Variants in AFG2A observed in about 807,000 individuals in gnomAD.
AFG2A encodes ATPase family gene 2 protein homolog A.
At chr4:122,946,061 G>T in the AFG2A span, among the ~76,000 whole-genome samples, 1 of 152,186 alleles carries the variant, frequency 6.6e-6, no homozygotes, top group African/African-American at 2.4e-5. Context: ...TGATAGAGTT[G>T]TGAGGACAGA....
At chr4:122,995,825 A>C in the AFG2A span, among the ~76,000 whole-genome samples, 1 of 152,186 alleles carries the variant, frequency 6.6e-6, no homozygotes, top group Non-Finnish European at 1.5e-5. Flanking sequence ...ATACTTCATG[A>C]GTGTTTGCTA....
chr4:122,925,851 G>A, the AFG2A span, among the ~76,000 whole-genome samples: 3 of 152,190 alleles, frequency 2.0e-5, no homozygotes, highest in Non-Finnish European at 1.5e-5. Context: ...GCCTAGCATA[G>A]TATCTTTCAT....
chr4:123,279,433 T>C, the AFG2A span, among the ~76,000 whole-genome samples: 2 of 151,732 alleles, frequency 1.3e-5, no homozygotes, highest in East Asian at 3.9e-4. Flanking sequence ...AAAAAGCTTT[T>C]ATAGAACTAA....
At chr4:123,000,279 A>G in the AFG2A span, among the ~76,000 whole-genome samples, 1 of 150,404 alleles carries the variant, frequency 6.6e-6, no homozygotes, top group Non-Finnish European at 1.5e-5. Flanking sequence ...CTCTTTTCCT[A>G]ACTGAATACC....
chr4:123,116,831 A>G, the AFG2A span, among the ~76,000 whole-genome samples: 1 of 152,224 alleles, frequency 6.6e-6, no homozygotes, highest in Non-Finnish European at 1.5e-5. Flanking sequence ...ACATTTTATT[A>G]TAGAAGAACA....
At chr4:123,022,060 G>A in the AFG2A span, among the ~76,000 whole-genome samples, 2 of 151,488 alleles carry the variant, frequency 1.3e-5, no homozygotes, top group East Asian at 1.9e-4. Context: ...AGACTTAAAC[G>A]TTAGACCTAA....
chr4:123,317,489 G>A, the AFG2A span: 2 of 152,186 alleles, frequency 1.3e-5, no homozygotes, highest in African/African-American at 4.8e-5. Flanking sequence ...TGTGATGGGT[G>A]GGGCCTCAGA....
chr4:123,057,910 T>A, the AFG2A span, among the ~76,000 whole-genome samples: 1 of 152,172 alleles, frequency 6.6e-6, no homozygotes, highest in Non-Finnish European at 1.5e-5. Context: ...GTGGTTCATG[T>A]TGGGTAATGT....
the AFG2A span, among the ~76,000 whole-genome samples, chr4:123,079,835 C>A: frequency 7.0e-6 from 1 of 143,602 alleles, no homozygotes; most frequent in Non-Finnish European, 1.5e-5. Context: ...CTGCAACCTC[C>A]GCTTCCTGGG....
the AFG2A span, among the ~76,000 whole-genome samples, chr4:123,213,120 T>C: frequency 6.6e-6 from 1 of 152,124 alleles, no homozygotes; most frequent in Non-Finnish European, 1.5e-5. Context: ...AAATAAGTAG[T>C]TTTATTTTCA....
chr4:123,176,667 G>A, the AFG2A span, among the ~76,000 whole-genome samples: 27 of 152,060 alleles, frequency 1.8e-4, no homozygotes, highest in African/African-American at 6.0e-4. Context: ...TAAGAGAAGA[G>A]CCTTGTATGG....
At chr4:123,016,757 A>G in the AFG2A span, among the ~76,000 whole-genome samples, 1 of 152,002 alleles carries the variant, frequency 6.6e-6, no homozygotes, top group South Asian at 2.1e-4. Flanking sequence ...GCACTTTGGG[A>G]GGCCAAGGCA....
chr4:122,956,519 G>A, the AFG2A span, among the ~76,000 whole-genome samples: 1 of 3,802 alleles, frequency 2.6e-4, no homozygotes, highest in Admixed American at 2.5e-3. Flanking sequence ...GAGAGCATCA[G>A]TTGATAAAGT....
At chr4:123,083,995 C>G in the AFG2A span, among the ~76,000 whole-genome samples, 30 of 152,178 alleles carry the variant, frequency 2.0e-4, no homozygotes, top group East Asian at 5.2e-3. Context: ...CTTTAACTGA[C>G]ACAGGCCTAT....
At chr4:122,934,806 G>T in the AFG2A span, 4 of 1,486,392 alleles carry the variant, frequency 2.7e-6, no homozygotes, top group Non-Finnish European at 3.6e-6. Flanking sequence ...TGACACTTAT[G>T]TAATGATTGC....
At chr4:123,017,208 A>AGG in the AFG2A span, among the ~76,000 whole-genome samples, 21 of 78,584 alleles carry the variant, frequency 2.7e-4, no homozygotes, top group Admixed American at 8.8e-4. Flanking sequence ...GGAGAGGGAG[A>AGG]GAGAGAGGGA....
chr4:123,313,504 G>A, the AFG2A span, among the ~76,000 whole-genome samples: 2 of 152,138 alleles, frequency 1.3e-5, no homozygotes, highest in South Asian at 2.1e-4. Flanking sequence ...TCCCTTGACC[G>A]TTGGCTCCCG....
the AFG2A span, among the ~76,000 whole-genome samples, chr4:123,155,498 T>C: frequency 6.6e-6 from 1 of 152,340 alleles, no homozygotes; most frequent in African/African-American, 2.4e-5. Flanking sequence ...TTTTTTAGTA[T>C]ATGCAATTGG....
At chr4:123,048,524 C>T in the AFG2A span, among the ~76,000 whole-genome samples, 2 of 152,082 alleles carry the variant, frequency 1.3e-5, no homozygotes. Context: ...TGTGTGTCCT[C>T]TTTAGTTGTT....
Sources: gnomAD v4.1 joint callset for allele counts (sites outside exome capture counted in the v4.1 genomes callset) on GRCh38, gnomAD v4.1.1 for gene constraint, MANE v1.5 for transcripts, NCBI Gene and HGNC (gene_info 2026-07-23, HGNC 2026-07-21) for gene names.